Variants in CELSR1 observed in about 807,000 individuals in gnomAD.
CELSR1 encodes the protein cadherin EGF LAG seven-pass G-type receptor 1, also known as adhesion G protein-coupled receptor C1.
In CELSR1, 110 loss-of-function variants were observed where a neutral mutation model predicts 249.1. That is an observed-to-expected ratio of 0.44 (90% CI 0.38 to 0.52). The LOEUF is 0.52. Among genes scored for constraint, CELSR1 ranks in the 20% least tolerant of loss-of-function variants. The pLI is 0.00. For missense variants in CELSR1, 4,109 were observed against 4,296.4 expected (o/e 0.96, Z 1.22); for synonymous variants, 2,113 against 1,900.0 (o/e 1.11, Z -2.92).
intron 9 of CELSR1, among the ~76,000 whole-genome samples, chr22:46,400,661 GA>G (rs1569136418): frequency 6.6e-6 from 1 of 152,134 alleles, no homozygotes; most frequent in African/African-American, 2.4e-5. Flanking sequence ...ATCATCATTA[GA>G]CAAAGTTGGC....
At position 46,472,661 on chromosome 22, in the gene CELSR1, G is replaced by C. The variant is rs1348343391; in HGVS notation, c.3545-8316C>G. Among the ~76,000 whole-genome samples, 2 of 152,226 alleles carry C rather than the reference G, an allele frequency of 1.3e-5. No individual in the cohort carries two copies. Among genetic ancestry groups the C allele is most frequent in the Non-Finnish European group, 2.9e-5 (2 of 68,040 alleles). On this transcript the variant is annotated intron_variant, in intron 1 of 34. Coordinates refer to ENST00000674500, the MANE Select transcript of CELSR1 (RefSeq NM_001378328.1). This position sits in a 1 kb window ranked among gnomAD's most constrained non-coding sequence, Gnocchi z 7.0. ...GCCGTCGGAGCAAAGGGCCGCCGCT[G>C]CATCACCAATACAGGACATTCACTC...
rs2079182065 is a variant in CELSR1 at position 46,398,968 on chromosome 22, AG to A, written c.5413-332del. On this transcript the variant is annotated intron_variant, in intron 10 of 34. Coordinates refer to ENST00000674500, the MANE Select transcript of CELSR1 (RefSeq NM_001378328.1). The surrounding 1 kb of genome is among the most constrained non-coding windows in gnomAD (Gnocchi z 7.2). The stretch of plus-strand genomic sequence containing the variant: ...GCTGTGACAGAGAGCTTGGCGAGTC[AG>A]GAAGACTGCAGTGAACGGAAATCCG... 6.6e-6 allele frequency among the ~76,000 whole-genome samples: 1 copy of A among 152,238 alleles called. No homozygotes were observed. The highest frequency in any genetic ancestry group is 2.4e-5 in the African/African-American group (1 of 41,466).
In CELSR1 at chr22:46,534,678, G is replaced by A. The variant is rs533343572; in HGVS notation, c.2493C>T (p.Pro831=). 33 of 1,613,636 alleles carry A rather than the reference G, an allele frequency of 2.0e-5. No individual in the cohort carries two copies. Among genetic ancestry groups the A allele is most frequent in the Admixed American group, 6.7e-5 (4 of 60,020 alleles). The change falls in exon 1 of 35, where the codon CCC becomes CCT. Residue 831 remains proline, a synonymous_variant. Coordinates refer to ENST00000674500, the MANE Select transcript of CELSR1 (RefSeq NM_001378328.1). The surrounding 1 kb of genome is among the most constrained non-coding windows in gnomAD (Gnocchi z 9.7). ...NARITYVIQD[P]VPQFRIDPDS... is the part of the protein sequence containing the mutation. ...CGGGGTCAATGCGGAACTGCGGCAC[G>A]GGGTCCTGAATCACGTAGGTGATGC...
intron 1 of CELSR1, among the ~76,000 whole-genome samples, chr22:46,507,118 G>A (rs1026887850): frequency 2.6e-5 from 4 of 152,142 alleles, no homozygotes; most frequent in Non-Finnish European, 4.4e-5. Context: ...CCAGGGAGGC[G>A]GAGGTTGCAG....
At chr22:46,435,279 A>ATTT (rs887443508) in intron 4 of CELSR1, among the ~76,000 whole-genome samples, 34 of 108,366 alleles carry the variant, frequency 3.1e-4, no homozygotes, top group African/African-American at 9.3e-4. Flanking sequence ...AAAAAAAAAA[A>ATTT]TTTTTTTTTT....
At chr22:46,384,480 G>A in intron 20 of CELSR1, 63 bp downstream of exon 20, 1 of 1,513,934 alleles carries the variant, frequency 6.6e-7, no homozygotes, top group Non-Finnish European at 8.9e-7. Context: ...CCCGCAGCGG[G>A]GCCCTCCCCT....
At chr22:46,458,675 A>C (rs1325704116) in intron 2 of CELSR1, among the ~76,000 whole-genome samples, 2 of 152,186 alleles carry the variant, frequency 1.3e-5, no homozygotes, top group Non-Finnish European at 2.9e-5. Flanking sequence ...TGACCCTCCC[A>C]GGAGCAGCTG....
intron 5 of CELSR1, among the ~76,000 whole-genome samples, chr22:46,414,723 G>A (rs534399015): frequency 2.0e-5 from 3 of 152,314 alleles, no homozygotes; most frequent in East Asian, 1.9e-4. Flanking sequence ...ACGCACAGAC[G>A]GGGGTCCCCA....
chr22:46,472,733 T>G lies in CELSR1; in HGVS notation c.3545-8388A>C, dbSNP rs1602184600. ...ATCTGAAATTCAGGTGTTGGCGGGG[T>G]TTGTTCCTCCTGGAGGCTCAGGGGA... On this transcript the variant is annotated intron_variant, in intron 1 of 34. Coordinates refer to ENST00000674500, the MANE Select transcript of CELSR1 (RefSeq NM_001378328.1). This position sits in a 1 kb window ranked among gnomAD's most constrained non-coding sequence, Gnocchi z 7.0. Among the ~76,000 whole-genome samples, 1 of 152,138 alleles carries G rather than the reference T, an allele frequency of 6.6e-6. No individual in the cohort carries two copies. Among genetic ancestry groups the G allele is most frequent in the South Asian group, 2.1e-4 (1 of 4,812 alleles).
In CELSR1 at chr22:46,517,078, G is replaced by C. The variant is rs532808486; in HGVS notation, c.3544+16549C>G. Among the ~76,000 whole-genome samples the C allele has an allele frequency of 1.3e-5, 2 of 152,330 alleles. No homozygotes were observed. The highest frequency in any genetic ancestry group is 4.8e-5 in the African/African-American group (2 of 41,584). Reference sequence around the variant, plus strand: ...CTGGGGGAAGAATCCAGAGGGTCTGGCTCTGGCCAGGGCAGGTTCTCACCC... The same window carrying C: ...CTGGGGGAAGAATCCAGAGGGTCTGCCTCTGGCCAGGGCAGGTTCTCACCC... On this transcript the variant is annotated intron_variant, in intron 1 of 34. Transcript: ENST00000674500. The surrounding 1 kb of genome is among the most constrained non-coding windows in gnomAD (Gnocchi z 5.4).
chr22:46,378,553 AGG>A, intron 23 of CELSR1, 36 bp downstream of exon 23: 1 of 1,528,664 alleles, frequency 6.5e-7, no homozygotes, highest in South Asian at 1.2e-5. Flanking sequence ...GTTTGGCGGT[AGG>A]CCCAGAGGGC....
Position 46,472,322 on chromosome 22 carries a change from A to G in CELSR1, c.3545-7977T>C, listed in dbSNP as rs1218467395. ...TGCAGTAAGATAAAGGTTATCTGCA[A>G]TTGTGTTCCCCATGGTGGGCTCATG... On this transcript the variant is annotated intron_variant, in intron 1 of 34. Transcript: ENST00000674500. The surrounding 1 kb of genome is among the most constrained non-coding windows in gnomAD (Gnocchi z 7.0). 6.6e-6 allele frequency among the ~76,000 whole-genome samples: 1 copy of G among 152,160 alleles called. No homozygotes were observed. The highest frequency in any genetic ancestry group is 2.4e-5 in the African/African-American group (1 of 41,444).
intron 1 of CELSR1, among the ~76,000 whole-genome samples, chr22:46,519,766 C>G (rs983129020): frequency 9.2e-5 from 14 of 152,106 alleles, no homozygotes; most frequent in Non-Finnish European, 1.5e-4. Context: ...GCCCCTAAAA[C>G]AGGGAACATG....
chr22:46,513,432 TCA>T (rs149675777), intron 1 of CELSR1, among the ~76,000 whole-genome samples: 1,651 of 152,236 alleles, frequency 0.011, 30 homozygotes, highest in African/African-American at 0.038. Flanking sequence ...TCCAATGCAG[TCA>T]CACAAAAACA....
In CELSR1 at chr22:46,417,385, C is replaced by G. The variant is rs908276357; in HGVS notation, c.4612-5626G>C. Among the ~76,000 whole-genome samples the G allele has an allele frequency of 2.6e-5, 4 of 152,238 alleles. No homozygotes were observed. The East Asian group carries it at 7.7e-4, about 29-fold the overall frequency. ...CAGGACTTTGCCAGAATGCAAACCT[C>G]AGACCGAGCTGCTACTTCCTGGTGG... On this transcript the variant is annotated intron_variant, in intron 5 of 34. Transcript: ENST00000674500. The surrounding 1 kb of genome is among the most constrained non-coding windows in gnomAD (Gnocchi z 4.1).
chr22:46,449,155 C>G (rs910477510), intron 2 of CELSR1, among the ~76,000 whole-genome samples: 8 of 148,542 alleles, frequency 5.4e-5, no homozygotes. Flanking sequence ...CACCCAGCTT[C>G]CAAGCACTCA....
Position 46,410,403 on chromosome 22 carries a change from C to T in CELSR1, c.4928G>A (p.Arg1643Gln), listed in dbSNP as rs368495315. The T allele has an allele frequency of 7.3e-5, 118 of 1,613,504 alleles. No individual in the cohort carries two copies. The African/African-American group carries it at 1.1e-3, about 15-fold the overall frequency. ...MAGFIANNGT[R>Q]EGCAARRNFC... ...GCCCTGACGGCCACCCGTACCTTCCCGGGTGCCATTGTTGGCGATGAATCC... is the reference window on the plus strand; with the variant it reads ...GCCCTGACGGCCACCCGTACCTTCCTGGGTGCCATTGTTGGCGATGAATCC... Residue 1643 changes from arginine to glutamine, a missense_variant, in exon 7 of 35, where the codon CGG becomes CAG. Physicochemically the swap from Arg to Gln is conservative, Grantham distance 43. Around this residue, in one of 7 missense-constraint regions of CELSR1, gnomAD observed 453 missense variants for 492.0 expected, o/e 0.92. Transcript: ENST00000674500. The surrounding 1 kb of genome is among the most constrained non-coding windows in gnomAD (Gnocchi z 6.8).
Position 46,381,061 on chromosome 22 carries a change from A to C in CELSR1, c.7089-106T>G, listed in dbSNP as rs2078973080. Reference sequence around the variant, plus strand: ...ACACGCCATGATGTGTTTCTAGGGGAGACAGAATCACACTCCGAGAGCTCG... The same window carrying C: ...ACACGCCATGATGTGTTTCTAGGGGCGACAGAATCACACTCCGAGAGCTCG... On this transcript the variant is annotated intron_variant, in intron 21 of 34. Coordinates refer to ENST00000674500, the MANE Select transcript of CELSR1 (RefSeq NM_001378328.1). This position sits in a 1 kb window ranked among gnomAD's most constrained non-coding sequence, Gnocchi z 6.0. The C allele has an allele frequency of 8.2e-7, 1 of 1,217,466 alleles. No individual in the cohort carries two copies. The highest frequency in any genetic ancestry group is 2.5e-5 in the East Asian group (1 of 39,248). 75.4% of individuals were successfully genotyped at this position (1,217,466 alleles called of 1,614,324 possible).
chr22:46,448,458 G>GGCAGGGAACGC lies in CELSR1; in HGVS notation c.4184-9048_4184-9047insGCGTTCCCTGC, dbSNP rs1036800818. The GGCAGGGAACGC allele has an allele frequency of 2.9e-6, 1 of 341,814 alleles. No individual in the cohort carries two copies. Among genetic ancestry groups the GGCAGGGAACGC allele is most frequent in the Non-Finnish European group, 5.8e-6 (1 of 173,608 alleles). The allele number at this position is 341,814 out of a possible 1,614,324, so 21.2% of individuals were successfully genotyped here. A position where few individuals can be genotyped will look rare whatever the true frequency, so the allele number is the denominator to read the frequency against. ...CAGAGAACCTCAGGACCTGGGGGAG[G>GGCAGGGAACGC]GCTGGGAACGCGCTGGGAACGTGCC... On this transcript the variant is annotated intron_variant, in intron 2 of 34. Coordinates refer to ENST00000674500, the MANE Select transcript of CELSR1 (RefSeq NM_001378328.1). The surrounding 1 kb of genome is among the most constrained non-coding windows in gnomAD (Gnocchi z 5.7).
Sources: allele counts gnomAD v4.1 joint callset (sites outside exome capture counted in the v4.1 genomes callset), GRCh38; gene constraint gnomAD v4.1.1; regional missense constraint gnomAD v4.1.1; non-coding constraint Gnocchi (gnomAD v3.1); transcripts MANE v1.5; gene names NCBI Gene and HGNC (gene_info 2026-07-23, HGNC 2026-07-21).